PLA2G4D: variants seen among roughly 807,000 people sequenced by gnomAD.
The protein encoded by PLA2G4D is cytosolic phospholipase A2 delta.
Under a neutral mutation model 94.4 loss-of-function variants are expected in PLA2G4D, and 80 were observed. The ratio of observed to expected loss-of-function variants is 0.85; its 90% CI spans 0.71 to 1.02. The LOEUF is 1.02. Ranked by LOEUF, PLA2G4D falls within the 50% of genes least tolerant of loss-of-function variation. PLA2G4D has a pLI of 0.00. For missense variants in PLA2G4D, 1,050 were observed against 1,034.7 expected (o/e 1.01, Z -0.20); for synonymous variants, 438 against 440.9 (o/e 0.99, Z 0.08).
At position 42,086,194 on chromosome 15, in the gene PLA2G4D, T is replaced by TGGGGGGGGGGGGGCGCG; in HGVS notation, c.387+18_387+19insCGCGCCCCCCCCCCCCC. 7.3e-7 allele frequency: 1 copy of TGGGGGGGGGGGGGCGCG among 1,370,442 alleles called. No individual in the cohort carries two copies. 84.9% of individuals were successfully genotyped at this position (1,370,442 alleles called of 1,614,324 possible). The stretch of plus-strand genomic sequence containing the variant: ...GGAAGAAGTGGGGCCCACGGGGACT[T>TGGGGGGGGGGGGGCGCG]CCCCACCCACCCACCCACCTGGGGA... On this transcript the variant is annotated intron_variant, in intron 4 of 19. Coordinates refer to ENST00000290472, the MANE Select transcript of PLA2G4D (RefSeq NM_178034.4).
chr15:42,083,176 G>A, intron 8 of PLA2G4D, 22 bp downstream of exon 8: 7 of 1,605,112 alleles, frequency 4.4e-6, no homozygotes, highest in Non-Finnish European at 6.0e-6. Flanking sequence ...GATTGCAAAC[G>A]AGGTCTAGAG....
In PLA2G4D at chr15:42,070,786, G is replaced by A. The variant is rs774987938; in HGVS notation, c.1974C>T (p.Ser658=). ...AAYFINTSSP[S]MFRPGRRLDL... ...CCAGCCTGCGGCCTGGCCGGAACAT[G>A]GAGGGAGAGCTGGTGTTGATGAAGT... Residue 658 remains serine (S), a synonymous_variant, in exon 18 of 20, where the codon TCC becomes TCT. Coordinates refer to ENST00000290472, the MANE Select transcript of PLA2G4D (RefSeq NM_178034.4). 12 of 1,603,266 alleles carry A rather than the reference G, an allele frequency of 7.5e-6. No homozygotes were observed. Among genetic ancestry groups the A allele is most frequent in the South Asian group, 2.3e-5 (2 of 88,862 alleles).
Position 42,094,507 on chromosome 15 carries a change from G to C in PLA2G4D, c.-48C>G, listed in dbSNP as rs778091442. ...CAGGCCCAGCCCTTGCCAAGATGCT[G>C]GCTCTCTGGCTGAGTGGCAGCGACG... On this transcript the variant is annotated 5_prime_UTR_variant, in exon 1 of 20. Transcript: ENST00000290472. 16 of 1,611,790 alleles carry C rather than the reference G, an allele frequency of 9.9e-6. No homozygotes were observed. In the East Asian group the frequency reaches 3.6e-4, roughly 36 times the overall value.
chr15:42,073,267 G>A (rs559696437), intron 13 of PLA2G4D, among the ~76,000 whole-genome samples: 1 of 152,178 alleles, frequency 6.6e-6, no homozygotes, highest in Non-Finnish European at 1.5e-5. Context: ...CCAAAGTGCT[G>A]GGATTACAGG....
intron 14 of PLA2G4D, 146 bp downstream of exon 14, chr15:42,072,129 A>G: frequency 1.0e-6 from 1 of 964,036 alleles, no homozygotes. Context: ...AAGCACAGAG[A>G]GATGCCCTGA....
At chr15:42,083,424 AG>A in intron 7 of PLA2G4D, 90 bp from the exon 8 acceptor site, 1 of 1,517,404 alleles carries the variant, frequency 6.6e-7, no homozygotes, top group Non-Finnish European at 8.8e-7. Flanking sequence ...CTGGATTCAG[AG>A]GATGCCTGGG....
chr15:42,090,511 C>T (rs572030581), intron 1 of PLA2G4D, among the ~76,000 whole-genome samples: 204 of 152,326 alleles, frequency 1.3e-3, no homozygotes, highest in African/African-American at 4.7e-3. Flanking sequence ...CAAAGTCCCT[C>T]TTTGACAGGA....
At position 42,086,194 on chromosome 15, in the gene PLA2G4D, T is replaced by TTGGGGGGGGGGGGGCCC; in HGVS notation, c.387+18_387+19insGGGCCCCCCCCCCCCCA. On this transcript the variant is annotated intron_variant, in intron 4 of 19. Coordinates refer to ENST00000290472, the MANE Select transcript of PLA2G4D (RefSeq NM_178034.4). ...GGAAGAAGTGGGGCCCACGGGGACT[T>TTGGGGGGGGGGGGGCCC]CCCCACCCACCCACCCACCTGGGGA... 2 of 1,370,440 alleles carry TTGGGGGGGGGGGGGCCC rather than the reference T, an allele frequency of 1.5e-6. No individual in the cohort carries two copies. The highest frequency in any genetic ancestry group is 1.9e-6 in the Non-Finnish European group (2 of 1,043,080). 84.9% of individuals were successfully genotyped at this position (1,370,440 alleles called of 1,614,324 possible).
At chr15:42,086,435 GAGA>G in intron 3 of PLA2G4D, 91 bp from the exon 4 acceptor site, 1 of 1,348,512 alleles carries the variant, frequency 7.4e-7, no homozygotes, top group South Asian at 1.2e-5. Flanking sequence ...TCTAGAGTCA[GAGA>G]AGATCATTAT....
chr15:42,087,502 G>C (rs1890173357), intron 2 of PLA2G4D, 66 bp from the exon 3 acceptor site: 8 of 1,609,508 alleles, frequency 5.0e-6, no homozygotes, highest in Non-Finnish European at 6.8e-6. Flanking sequence ...AGCCATGCCA[G>C]TTTCCTACCA....
chr15:42,083,789 A>AAG lies in PLA2G4D; in HGVS notation c.472-11_472-10insCT, dbSNP rs1566864361. ...ATGACAGCTCTCGGGCCTGGGGAAG[A>AAG]CCACATCATGGGCAGGGGCCTCTGC... is the stretch of plus-strand genomic sequence containing the variant. On this transcript the variant is annotated splice_polypyrimidine_tract_variant and intron_variant, in intron 6 of 19. Coordinates refer to ENST00000290472, the MANE Select transcript of PLA2G4D (RefSeq NM_178034.4). The AAG allele has an allele frequency of 6.2e-7, 1 of 1,613,402 alleles. No homozygotes were observed. The highest frequency in any genetic ancestry group is 1.1e-5 in the South Asian group (1 of 91,082).
At chr15:42,072,894 C>A (rs1409060804) in intron 13 of PLA2G4D, among the ~76,000 whole-genome samples, 2 of 152,184 alleles carry the variant, frequency 1.3e-5, no homozygotes, top group East Asian at 3.9e-4. Context: ...CTTGCCTCCC[C>A]CTCATCGTCC....
At chr15:42,075,769 C>T (rs1889908392) in intron 13 of PLA2G4D, among the ~76,000 whole-genome samples, 1 of 152,020 alleles carries the variant, frequency 6.6e-6, no homozygotes. Context: ...TGCCTGTAGT[C>T]GCAGGTATGC....
At chr15:42,073,254 G>A (rs574112580) in intron 13 of PLA2G4D, among the ~76,000 whole-genome samples, 9 of 152,248 alleles carry the variant, frequency 5.9e-5, no homozygotes, top group Admixed American at 1.3e-4. Flanking sequence ...CTGCCTTGGC[G>A]TCCCAAAGTG....
chr15:42,087,187 T>C (rs1890166124), intron 3 of PLA2G4D, 113 bp downstream of exon 3: 1 of 1,397,246 alleles, frequency 7.2e-7, no homozygotes, highest in Non-Finnish European at 9.9e-7. Flanking sequence ...AGAGACCCCC[T>C]ACTGCTGAGA....
intron 14 of PLA2G4D, 102 bp from the exon 15 acceptor site, chr15:42,072,013 C>T (rs1187646870): frequency 7.0e-7 from 1 of 1,420,034 alleles, no homozygotes; most frequent in Non-Finnish European, 9.6e-7. Flanking sequence ...AGGCCTGAGC[C>T]CTGCTGTGCC....
rs1447897877 is a variant in PLA2G4D at position 42,071,821 on chromosome 15, C to T, written c.1526G>A (p.Gly509Glu). The T allele has an allele frequency of 3.1e-6, 5 of 1,614,222 alleles. No individual in the cohort carries two copies. In the South Asian group the frequency reaches 5.5e-5, roughly 18 times the overall value. Reference sequence around the variant, plus strand: ...CTCCGGGATCCTCCTCATCAGCCGTCCCATGAAGAACTCGGAGCCGAAGAG... The same window carrying T: ...CTCCGGGATCCTCCTCATCAGCCGTTCCATGAAGAACTCGGAGCCGAAGAG... The part of the protein sequence containing the change: ...PELFGSEFFM[G>E]RLMRRIPEPR... The change falls in exon 15 of 20, where the codon GGA becomes GAA. Residue 509 changes from glycine to glutamate, a missense_variant. By Grantham distance (98) the Gly-to-Glu change is moderately conservative. Transcript: ENST00000290472.
Position 42,068,587 on chromosome 15 carries a change from A to G in PLA2G4D, c.*128T>C, listed in dbSNP as rs1889729449. 4 of 805,596 alleles carry G rather than the reference A, an allele frequency of 5.0e-6. No homozygotes were observed. The highest frequency in any genetic ancestry group is 1.7e-5 in the African/African-American group (1 of 57,810). The allele number at this position is 805,596 out of a possible 1,614,324, so 49.9% of individuals were successfully genotyped here. The stretch of plus-strand genomic sequence containing the variant: ...TGTGCAGTTCCCTCTGGGCAGTGAG[A>G]CCAGCTACAGAGGCCACCCAGGCCT... On this transcript the variant is annotated 3_prime_UTR_variant, in exon 20 of 20. Coordinates refer to ENST00000290472, the MANE Select transcript of PLA2G4D (RefSeq NM_178034.4).
At chr15:42,069,686 G>T (rs1889761660) in intron 19 of PLA2G4D, among the ~76,000 whole-genome samples, 1 of 152,148 alleles carries the variant, frequency 6.6e-6, no homozygotes. Flanking sequence ...TCATGACAAA[G>T]GGGACCCCTG....
Sources: gnomAD v4.1 joint callset for allele counts (sites outside exome capture counted in the v4.1 genomes callset) on GRCh38, gnomAD v4.1.1 for gene constraint, MANE v1.5 for transcripts, NCBI Gene and HGNC (gene_info 2026-07-23, HGNC 2026-07-21) for gene names.